The following SLC9A5 variants were observed in gnomAD, a reference collection of about 807,000 sequenced individuals.
SLC9A5 encodes the protein solute carrier family 9 member A5, also known as sodium/hydrogen exchanger 5.
A neutral mutation model predicts 91.7 loss-of-function variants in SLC9A5; 52 were observed. That is an observed-to-expected ratio of 0.57 (90% CI 0.45 to 0.71). The LOEUF is 0.71. Ranked by LOEUF, SLC9A5 falls within the 30% of genes least tolerant of loss-of-function variation. The pLI is 0.00. For missense variants in SLC9A5, 871 were observed against 1,158.9 expected (o/e 0.75, Z 3.61); for synonymous variants, 419 against 474.5 (o/e 0.88, Z 1.52).
chr16:67,256,680 C>G lies in SLC9A5; in HGVS notation c.1123C>G (p.Arg375Gly), dbSNP rs775235682. 6.2e-7 allele frequency: 1 copy of G among 1,612,210 alleles called. No homozygotes were observed. Residue 375 changes from arginine to glycine, a missense_variant, in exon 6 of 16, where the codon CGA becomes GGA. By Grantham distance (125) the Arg-to-Gly change is moderately radical. Around this residue, in one of 3 missense-constraint regions of SLC9A5, gnomAD observed 454 missense variants for 718.3 expected, o/e 0.63. Coordinates refer to ENST00000299798, the MANE Select transcript of SLC9A5 (RefSeq NM_004594.3). The surrounding 1 kb of genome is among the most constrained non-coding windows in gnomAD (Gnocchi z 4.1). ...LGTLIFILFF[R>G]ALGVVLQTWV... ...CACCCTCATCTTCATCCTGTTCTTCCGAGCCCTCGGTATTGCTGGCACCCT... is the reference window on the plus strand; with the variant it reads ...CACCCTCATCTTCATCCTGTTCTTCGGAGCCCTCGGTATTGCTGGCACCCT...
rs1176880239 is a variant in SLC9A5 at position 67,255,653 on chromosome 16, T to G, written c.734-100T>G. 1 of 1,377,986 alleles carries G rather than the reference T, an allele frequency of 7.3e-7. No homozygotes were observed. Among genetic ancestry groups the G allele is most frequent in the African/African-American group, 1.4e-5 (1 of 69,378 alleles). The allele number at this position is 1,377,986 out of a possible 1,614,324, so 85.4% of individuals were successfully genotyped here. A position where few individuals can be genotyped will look rare whatever the true frequency, so the allele number is the denominator to read the frequency against. On this transcript the variant is annotated intron_variant, in intron 4 of 15. Coordinates refer to ENST00000299798, the MANE Select transcript of SLC9A5 (RefSeq NM_004594.3). This position sits in a 1 kb window ranked among gnomAD's most constrained non-coding sequence, Gnocchi z 4.9. ...CTCTGGGGTTTTGAGCCCCTGGGAG[T>G]GCGGTGGGCATCATCCCTCACTCCC...
chr16:67,266,458 C>A (rs1294458599), intron 15 of SLC9A5, among the ~76,000 whole-genome samples: 1 of 152,174 alleles, frequency 6.6e-6, no homozygotes, highest in Non-Finnish European at 1.5e-5. Flanking sequence ...TGTGACTTGT[C>A]CAGCATCACA....
chr16:67,260,354 C>CAAAAAAAAAAAAAAAA lies in SLC9A5; in HGVS notation c.1842+416_1842+431dup, dbSNP rs397932908. On this transcript the variant is annotated intron_variant, in intron 12 of 15. Transcript: ENST00000299798. ...TGGGTAACAGAGCAAGACTCCATCT[C>CAAAAAAAAAAAAAAAA]AAAAAAAAAAAAAAAAAAAAAAAGA... 8.9e-3 allele frequency among the ~76,000 whole-genome samples: 296 copies of CAAAAAAAAAAAAAAAA among 33,424 alleles called. 50 individuals are homozygous for CAAAAAAAAAAAAAAAA. The highest frequency in any genetic ancestry group is 0.044 in the African/African-American group (227 of 5,150). 21.9% of individuals were successfully genotyped at this position (33,424 alleles called of 152,430 possible). A position where few individuals can be genotyped will look rare whatever the true frequency, so the allele number is the denominator to read the frequency against.
In SLC9A5 at chr16:67,255,900, C is replaced by T. The variant is rs1285226045; in HGVS notation, c.881C>T (p.Ala294Val). 1 of 1,613,812 alleles carries T rather than the reference C, an allele frequency of 6.2e-7. No homozygotes were observed. The change falls in exon 5 of 16, where the codon GCT becomes GTT. Residue 294 changes from alanine (A) to valine (V), a missense_variant. Ala to Val is a moderately conservative substitution (Grantham distance 64). Transcript: ENST00000299798. This position sits in a 1 kb window ranked among gnomAD's most constrained non-coding sequence, Gnocchi z 4.9. ...CTCGCCTACGCAGCCTACCTCACTG[C>T]TGAAATGGCCTCGCTCTCCGCCATT... ...FLLAYAAYLTAEMASLSAILA... is the reference protein window; with the variant it reads ...FLLAYAAYLTVEMASLSAILA...
chr16:67,256,895 C>T lies in SLC9A5; in HGVS notation c.1133-16C>T, dbSNP rs149459823. The stretch of plus-strand genomic sequence containing the variant: ...CTCCCAACGCTTTGCTCCCACTGGC[C>T]TCCCTCCCGCTGTAGGCGTAGTCCT... On this transcript the variant is annotated splice_polypyrimidine_tract_variant and intron_variant, in intron 6 of 15. Transcript: ENST00000299798. This position sits in a 1 kb window ranked among gnomAD's most constrained non-coding sequence, Gnocchi z 4.1. 75 of 1,612,554 alleles carry T rather than the reference C, an allele frequency of 4.7e-5. No individual in the cohort carries two copies. The highest frequency in any genetic ancestry group is 5.7e-5 in the Non-Finnish European group (67 of 1,179,548).
rs566009613 is a variant in SLC9A5 at position 67,254,268 on chromosome 16, C to T, written c.491-753C>T. Among the ~76,000 whole-genome samples the T allele has an allele frequency of 5.9e-5, 9 of 152,298 alleles. No homozygotes were observed. The South Asian group carries it at 1.7e-3, about 28-fold the overall frequency. The stretch of plus-strand genomic sequence containing the variant: ...GAGAATTGTGTCACATCCCTTTGGC[C>T]GGGAACCACAGGTGTGGGAGAAAGC... On this transcript the variant is annotated intron_variant, in intron 2 of 15. Coordinates refer to ENST00000299798, the MANE Select transcript of SLC9A5 (RefSeq NM_004594.3).
chr16:67,261,787 G>A (rs2035539239), intron 12 of SLC9A5: 2 of 152,256 alleles, frequency 1.3e-5, no homozygotes, highest in Admixed American at 1.3e-4. Flanking sequence ...GTATTCCAGT[G>A]GTGTTGTTTA....
In SLC9A5 at chr16:67,256,772, C is replaced by T; in HGVS notation, c.1132+83C>T. 7.4e-7 allele frequency: 1 copy of T among 1,352,666 alleles called. No individual in the cohort carries two copies. The highest frequency in any genetic ancestry group is 1.2e-5 in the South Asian group (1 of 84,776). The allele number at this position is 1,352,666 out of a possible 1,614,324, so 83.8% of individuals were successfully genotyped here. ...CTCATCTCCCTATCTGAGTCCACAT[C>T]TTTGTCAATTCCTAAGCCTCCTCTT... On this transcript the variant is annotated intron_variant, in intron 6 of 15. Transcript: ENST00000299798. This position sits in a 1 kb window ranked among gnomAD's most constrained non-coding sequence, Gnocchi z 4.1.
Position 67,259,624 on chromosome 16 carries a change from C to G in SLC9A5, c.1678C>G (p.Arg560Gly). ...TGLTLPSMPS[R>G]NSVAETSVTN... is the part of the protein sequence containing the mutation. ...TCTCACTCTGCCTTCTATGCCCAGC[C>G]GCAATTCTGTGGCAGAAACTTCTGT... Residue 560 changes from arginine to glycine, a missense_variant, in exon 11 of 16, where the codon CGC becomes GGC. Transcript: ENST00000299798. The G allele has an allele frequency of 6.2e-7, 1 of 1,614,150 alleles. No homozygotes were observed. The highest frequency in any genetic ancestry group is 8.5e-7 in the Non-Finnish European group (1 of 1,180,024).
chr16:67,252,665 C>T lies in SLC9A5; in HGVS notation c.311C>T (p.Pro104Leu). The change falls in exon 2 of 16, where the codon CCA becomes CTA. Residue 104 changes from proline (P) to leucine (L), a missense_variant. Transcript: ENST00000299798. This position sits in a 1 kb window ranked among gnomAD's most constrained non-coding sequence, Gnocchi z 4.0. ...AAGAAAGCTGAGTACCAGCTGGAGC[C>T]AGGCACCTTCTTCCTCTTCCTGCTG... ...VAKKAEYQLE[P>L]GTFFLFLLPP... The T allele has an allele frequency of 6.2e-7, 1 of 1,614,212 alleles. No homozygotes were observed. The highest frequency in any genetic ancestry group is 8.5e-7 in the Non-Finnish European group (1 of 1,180,042).
At chr16:67,268,801 G>A (rs1279454383) in intron 15 of SLC9A5, among the ~76,000 whole-genome samples, 3 of 147,856 alleles carry the variant, frequency 2.0e-5, no homozygotes, top group Non-Finnish European at 4.5e-5. Context: ...TCCCCCAGGG[G>A]ACATTTGGCA....
chr16:67,265,258 T>G, intron 14 of SLC9A5, 152 bp downstream of exon 14: 1 of 687,486 alleles, frequency 1.5e-6, no homozygotes. Context: ...AAGTTGGAAA[T>G]GTTCAAAGCA....
Position 67,258,205 on chromosome 16 carries a change from C to A in SLC9A5, c.1497-113C>A. 1 of 1,033,524 alleles carries A rather than the reference C, an allele frequency of 9.7e-7. No individual in the cohort carries two copies. The highest frequency in any genetic ancestry group is 1.5e-6 in the Non-Finnish European group (1 of 689,522). 64.0% of individuals were successfully genotyped at this position (1,033,524 alleles called of 1,614,324 possible). On this transcript the variant is annotated intron_variant, in intron 9 of 15. Transcript: ENST00000299798. The surrounding 1 kb of genome is among the most constrained non-coding windows in gnomAD (Gnocchi z 4.5). ...CCTTGAGATTCTCTCTGGCTGAGGCCCATATCTAAAAAGCCAGGCCAGTGC... is the reference window on the plus strand; with the variant it reads ...CCTTGAGATTCTCTCTGGCTGAGGCACATATCTAAAAAGCCAGGCCAGTGC...
At chr16:67,259,266 C>CAAA (rs542286400) in intron 10 of SLC9A5, among the ~76,000 whole-genome samples, 1 of 50,604 alleles carries the variant, frequency 2.0e-5, no homozygotes, top group Non-Finnish European at 4.2e-5. Flanking sequence ...GACTGTGTCT[C>CAAA]AAAAAAAAAA....
rs1445889622 is a variant in SLC9A5, at chr16:67,252,496, G to A, written c.188-46G>A. 1 of 1,520,102 alleles carries A rather than the reference G, an allele frequency of 6.6e-7. No homozygotes were observed. The highest frequency in any genetic ancestry group is 1.8e-5 in the Admixed American group (1 of 55,034). The allele number at this position is 1,520,102 out of a possible 1,614,324, so 94.2% of individuals were successfully genotyped here. Reference sequence around the variant, plus strand: ...GGAGTTCATAGGCCTGTGTGTGGGAGGATATTCCATAAACTGATCCATCCT... The same window carrying A: ...GGAGTTCATAGGCCTGTGTGTGGGAAGATATTCCATAAACTGATCCATCCT... On this transcript the variant is annotated intron_variant, in intron 1 of 15. Coordinates refer to ENST00000299798, the MANE Select transcript of SLC9A5 (RefSeq NM_004594.3). The surrounding 1 kb of genome is among the most constrained non-coding windows in gnomAD (Gnocchi z 4.0).
In SLC9A5 at chr16:67,270,675, T is replaced by C; in HGVS notation, c.2219-63T>C. ...AAACTGTGGCATGAATTTATAAGAA[T>C]GTGCTTATACTTGAGATTTCCACTG... On this transcript the variant is annotated intron_variant, in intron 15 of 15. Coordinates refer to ENST00000299798, the MANE Select transcript of SLC9A5 (RefSeq NM_004594.3). This position sits in a 1 kb window ranked among gnomAD's most constrained non-coding sequence, Gnocchi z 4.3. The C allele has an allele frequency of 8.7e-7, 1 of 1,146,102 alleles. No homozygotes were observed. Among genetic ancestry groups the C allele is most frequent in the Non-Finnish European group, 1.2e-6 (1 of 817,548 alleles). 71.0% of individuals were successfully genotyped at this position (1,146,102 alleles called of 1,614,324 possible).
At position 67,270,596 on chromosome 16, in the gene SLC9A5, AC is replaced by A; in HGVS notation, c.2219-141del. The A allele has an allele frequency of 1.6e-6, 1 of 613,470 alleles. No individual in the cohort carries two copies. The highest frequency in any genetic ancestry group is 2.2e-5 in the South Asian group (1 of 45,642). 38.0% of individuals were successfully genotyped at this position (613,470 alleles called of 1,614,324 possible). A position where few individuals can be genotyped will look rare whatever the true frequency, so the allele number is the denominator to read the frequency against. On this transcript the variant is annotated intron_variant, in intron 15 of 15. Transcript: ENST00000299798. This position sits in a 1 kb window ranked among gnomAD's most constrained non-coding sequence, Gnocchi z 4.3. ...AGTGGAGAGTAAAACAAGCTGTGGT[AC>A]TTCGCCTCAGCAAGACATTCATCCG...
In SLC9A5 at chr16:67,256,312, G is replaced by T. The variant is rs2035315852; in HGVS notation, c.912-157G>T. On this transcript the variant is annotated intron_variant, in intron 5 of 15. Coordinates refer to ENST00000299798, the MANE Select transcript of SLC9A5 (RefSeq NM_004594.3). This position sits in a 1 kb window ranked among gnomAD's most constrained non-coding sequence, Gnocchi z 4.1. ...CCTGGAGATCTGGACTCTTAGCCCAGCACTACCATTCAAGTCTTCAGGCCT... is the reference window on the plus strand; with the variant it reads ...CCTGGAGATCTGGACTCTTAGCCCATCACTACCATTCAAGTCTTCAGGCCT... Among the ~76,000 whole-genome samples the T allele has an allele frequency of 6.6e-6, 1 of 152,198 alleles. No homozygotes were observed. Among genetic ancestry groups the T allele is most frequent in the South Asian group, 2.1e-4 (1 of 4,832 alleles).
rs910826509 is a variant in SLC9A5 at position 67,252,306 on chromosome 16, C to T, written c.188-236C>T. Among the ~76,000 whole-genome samples, 4 of 152,094 alleles carry T rather than the reference C, an allele frequency of 2.6e-5. No homozygotes were observed. The highest frequency in any genetic ancestry group is 5.9e-5 in the Non-Finnish European group (4 of 68,030). On this transcript the variant is annotated intron_variant, in intron 1 of 15. Transcript: ENST00000299798. The surrounding 1 kb of genome is among the most constrained non-coding windows in gnomAD (Gnocchi z 4.0). ...CTACTAAGAATATAAAAAAAATTAT[C>T]TGGGCATGGTGGCGCGTGTCTGTAG...
Sources: gnomAD v4.1 joint callset for allele counts (sites outside exome capture counted in the v4.1 genomes callset) on GRCh38, gnomAD v4.1.1 for gene constraint, gnomAD v4.1.1 regional missense constraint, Gnocchi (gnomAD v3.1) non-coding constraint, MANE v1.5 for transcripts, NCBI Gene and HGNC (gene_info 2026-07-23, HGNC 2026-07-21) for gene names.